The following MTARC1 variants were observed in gnomAD, a reference collection of about 807,000 sequenced individuals.
MTARC1 encodes mitochondrial amidoxime-reducing component 1.
A neutral mutation model predicts 33.6 loss-of-function variants in MTARC1; 24 were observed. The ratio of observed to expected loss-of-function variants is 0.72; its 90% CI spans 0.52 to 1.01. The LOEUF (loss-of-function observed/expected upper bound fraction) is 1.01. Ranked by LOEUF, MTARC1 falls within the 50% of genes least tolerant of loss-of-function variation. MTARC1 has a pLI of 0.00. For missense variants in MTARC1, 417 were observed against 445.7 expected, an observed-to-expected ratio of 0.94 and a Z score of 0.58; for synonymous variants, 187 against 189.5, an observed-to-expected ratio of 0.99 and a Z score of 0.11.
At chr1:220,789,126 G>A (rs900639501) in intron 1 of MTARC1, among the ~76,000 whole-genome samples, 3 of 152,190 alleles carry the variant, frequency 2.0e-5, no homozygotes, top group African/African-American at 7.2e-5. Flanking sequence ...CAGGGTGCCA[G>A]CATAGAGGAT....
At chr1:220,796,233 C>T (rs1672611077) in intron 2 of MTARC1, among the ~76,000 whole-genome samples, 2 of 152,090 alleles carry the variant, frequency 1.3e-5, no homozygotes, top group Admixed American at 6.5e-5. Flanking sequence ...AAAGCATAGC[C>T]AGGCCTGTGA....
chr1:220,794,462 A>T (rs946428348), intron 2 of MTARC1: 1 of 151,948 alleles, frequency 6.6e-6, no homozygotes, highest in Non-Finnish European at 1.5e-5. Context: ...CAGTTCTAGA[A>T]CTGGTGGATT....
At chr1:220,806,898 G>A (rs866594783) in intron 6 of MTARC1, among the ~76,000 whole-genome samples, 4 of 152,214 alleles carry the variant, frequency 2.6e-5, no homozygotes, top group East Asian at 3.9e-4. Context: ...ACGGAGAAGG[G>A]GGTTTGTGGT....
At chr1:220,811,718 A>G (rs924954298) in intron 6 of MTARC1, among the ~76,000 whole-genome samples, 2 of 152,218 alleles carry the variant, frequency 1.3e-5, no homozygotes, top group African/African-American at 4.8e-5. Context: ...AGGTGGGGGA[A>G]TCTTGCCATG....
Position 220,796,672 on chromosome 1 carries a change from A to G in MTARC1, c.479A>G (p.Asp160Gly). 1 of 1,610,738 alleles carries G rather than the reference A, an allele frequency of 6.2e-7. No homozygotes were observed. Among genetic ancestry groups the G allele is most frequent in the South Asian group, 1.1e-5 (1 of 90,404 alleles). ...RVHGLEIEGR[D>G]CGEATAQWIT... ...CACGGCCTGGAGATAGAGGGCAGGG[A>G]CTGTGGCGAGGCCACCGCCCAGTGG... Residue 160 changes from aspartate (D) to glycine (G), a missense_variant, in exon 3 of 7, where the codon GAC becomes GGC. By Grantham distance (94) the Asp-to-Gly change is moderately conservative (BLOSUM62 -1). Transcript: ENST00000366910.
intron 2 of MTARC1, among the ~76,000 whole-genome samples, chr1:220,795,966 T>C (rs1481752649): frequency 6.6e-6 from 1 of 152,214 alleles, no homozygotes; most frequent in Non-Finnish European, 1.5e-5. Context: ...AACACTGGCC[T>C]ACACCATAGC....
At chr1:220,789,959 G>T (rs1672372295) in intron 1 of MTARC1, among the ~76,000 whole-genome samples, 1 of 152,166 alleles carries the variant, frequency 6.6e-6, no homozygotes, top group Non-Finnish European at 1.5e-5. Context: ...TCTGTTTGGG[G>T]TGATGAAAAG....
intron 4 of MTARC1, among the ~76,000 whole-genome samples, chr1:220,800,586 CCT>C (rs1491171942): frequency 2.3e-5 from 3 of 131,872 alleles, no homozygotes; most frequent in Non-Finnish European, 5.1e-5. Flanking sequence ...TTCTTTCTTT[CCT>C]TTTTTTTTTT....
chr1:220,791,041 C>T (rs1288749485), intron 1 of MTARC1: 1 of 158,586 alleles, frequency 6.3e-6, no homozygotes, highest in Non-Finnish European at 1.4e-5. Context: ...GCCCTGTGAA[C>T]AATATAAGCA....
chr1:220,803,222 A>C (rs971177829), intron 4 of MTARC1, among the ~76,000 whole-genome samples: 1 of 152,192 alleles, frequency 6.6e-6, no homozygotes, highest in African/African-American at 2.4e-5. Flanking sequence ...GAGTGCGTGC[A>C]GGGGAACTGC....
intron 2 of MTARC1, 33 bp downstream of exon 2, chr1:220,791,697 A>T: frequency 6.2e-7 from 1 of 1,602,318 alleles, no homozygotes; most frequent in Non-Finnish European, 8.5e-7. Flanking sequence ...CCCTTGTGTG[A>T]ATGAATAGTC....
chr1:220,801,352 C>G (rs917741587), intron 4 of MTARC1, among the ~76,000 whole-genome samples: 6 of 152,164 alleles, frequency 3.9e-5, no homozygotes, highest in Non-Finnish European at 8.8e-5. Flanking sequence ...CCAGCCCCCC[C>G]CACAGCACAC....
At chr1:220,791,272 G>A in intron 1 of MTARC1, 1 of 461,354 alleles carries the variant, frequency 2.2e-6, no homozygotes, top group Non-Finnish European at 3.9e-6. Context: ...CCAGATATAT[G>A]TTGGATGCTT....
intron 4 of MTARC1, among the ~76,000 whole-genome samples, chr1:220,804,717 C>G (rs919930441): frequency 6.6e-6 from 1 of 151,090 alleles, no homozygotes; most frequent in Non-Finnish European, 1.5e-5. Flanking sequence ...CACTTTCACC[C>G]ACCCCATTCA....
chr1:220,805,379 C>A, intron 6 of MTARC1, 105 bp downstream of exon 6: 1 of 1,241,988 alleles, frequency 8.1e-7, no homozygotes, highest in Non-Finnish European at 1.2e-6. Flanking sequence ...ACACCACACA[C>A]ATAGTCTTGA....
chr1:220,797,810 G>T, intron 3 of MTARC1, 64 bp from the exon 4 acceptor site: 2 of 1,519,580 alleles, frequency 1.3e-6, no homozygotes, highest in Admixed American at 3.5e-5. Context: ...CTAGGAACTA[G>T]GCACACCTAA....
At chr1:220,791,415 G>A in intron 1 of MTARC1, 76 bp from the exon 2 acceptor site, 1 of 1,496,100 alleles carries the variant, frequency 6.7e-7, no homozygotes, top group Non-Finnish European at 9.1e-7. Flanking sequence ...TGACAACAGT[G>A]TCTAATTGAA....
intron 2 of MTARC1, among the ~76,000 whole-genome samples, chr1:220,795,435 G>A (rs1014072940): frequency 6.6e-6 from 1 of 152,214 alleles, no homozygotes; most frequent in Non-Finnish European, 1.5e-5. Context: ...CACGATGATA[G>A]TAGGCCAAAC....
At chr1:220,807,400 T>G (rs1254417010) in intron 6 of MTARC1, among the ~76,000 whole-genome samples, 1 of 152,140 alleles carries the variant, frequency 6.6e-6, no homozygotes, top group African/African-American at 2.4e-5. Flanking sequence ...CTGGCCAACA[T>G]AGTGAAACTC....
Sources: gnomAD v4.1 joint callset for allele counts (sites outside exome capture counted in the v4.1 genomes callset) on GRCh38, gnomAD v4.1.1 for gene constraint, MANE v1.5 for transcripts, NCBI Gene and HGNC (gene_info 2026-07-23, HGNC 2026-07-21) for gene names.